FAM171A1: variants seen among roughly 807,000 people sequenced by gnomAD.
The protein encoded by FAM171A1 is protein FAM171A1.
In FAM171A1, 23 loss-of-function variants were observed where a neutral mutation model predicts 74.9. The observed-to-expected ratio is 0.31, with a 90% CI of 0.22 to 0.44. FAM171A1 has a LOEUF of 0.44. Among genes scored for constraint, FAM171A1 ranks in the 20% least tolerant of loss-of-function variants. The pLI, the probability that FAM171A1 is intolerant of heterozygous loss-of-function variation, is 1.00. For missense variants in FAM171A1, 1,162 were observed against 1,159.2 expected, an observed-to-expected ratio of 1.00 and a Z score of -0.03; for synonymous variants, 527 against 505.7, an observed-to-expected ratio of 1.04 and a Z score of -0.57.
chr10:15,284,462 G>A (rs1381653350), intron 1 of FAM171A1, among the ~76,000 whole-genome samples: 1 of 151,968 alleles, frequency 6.6e-6, no homozygotes, highest in African/African-American at 2.4e-5. Context: ...TCACTCTGTT[G>A]CACAGGCTGG....
chr10:15,283,437 T>C (rs1460269505), intron 2 of FAM171A1, among the ~76,000 whole-genome samples: 2 of 152,182 alleles, frequency 1.3e-5, no homozygotes, highest in Non-Finnish European at 2.9e-5. Flanking sequence ...CCACTTTCCA[T>C]AGATCAAAAA....
intron 7 of FAM171A1, 118 bp downstream of exon 7, chr10:15,215,878 A>T (rs1027617845): frequency 1.6e-6 from 1 of 609,026 alleles, no homozygotes; most frequent in African/African-American, 1.9e-5. Flanking sequence ...GGGAAGAAAA[A>T]GTACTTCAAT....
At chr10:15,344,483 C>A (rs909469603) in intron 1 of FAM171A1, among the ~76,000 whole-genome samples, 8 of 152,168 alleles carry the variant, frequency 5.3e-5, no homozygotes, top group African/African-American at 1.7e-4. Context: ...CAGGTCAAGG[C>A]TGCAGTGACC....
chr10:15,285,534 C>T (rs1835025117), intron 1 of FAM171A1, among the ~76,000 whole-genome samples: 1 of 152,172 alleles, frequency 6.6e-6, no homozygotes, highest in Admixed American at 6.5e-5. Flanking sequence ...GACCAGACTC[C>T]AGCAGAACTA....
At position 15,224,751 on chromosome 10, in the gene FAM171A1, G is replaced by A. The variant is rs1834083490; in HGVS notation, c.755-3691C>T. Among the ~76,000 whole-genome samples the A allele has an allele frequency of 2.6e-5, 4 of 152,264 alleles. No individual in the cohort carries two copies. The South Asian group carries it at 8.3e-4, about 32-fold the overall frequency. On this transcript the variant is annotated intron_variant, in intron 5 of 7. Coordinates refer to ENST00000378116, the MANE Select transcript of FAM171A1 (RefSeq NM_001010924.2). ...ATTGTGAGGCCTCCCCAGCCATGTG[G>A]AACTGTGAGTCTATTAAACCTCTTT...
At chr10:15,267,584 A>G (rs1338721601) in intron 3 of FAM171A1, among the ~76,000 whole-genome samples, 1 of 137,796 alleles carries the variant, frequency 7.3e-6, no homozygotes, top group Non-Finnish European at 1.5e-5. Context: ...GCCTGGCAAC[A>G]GAGCGAGACA....
intron 3 of FAM171A1, among the ~76,000 whole-genome samples, chr10:15,262,155 C>A (rs529516662): frequency 5.3e-5 from 8 of 152,222 alleles, no homozygotes; most frequent in Non-Finnish European, 1.2e-4. Flanking sequence ...TGTGGGCCTG[C>A]AGGGGAGAGC....
intron 1 of FAM171A1, among the ~76,000 whole-genome samples, chr10:15,310,775 C>T (rs1439578536): frequency 6.6e-6 from 1 of 151,768 alleles, no homozygotes; most frequent in Non-Finnish European, 1.5e-5. Context: ...GCAGGAGAAC[C>T]GTTTGAACCA....
intron 1 of FAM171A1, among the ~76,000 whole-genome samples, chr10:15,369,528 T>C (rs1836108374): frequency 6.6e-6 from 1 of 152,212 alleles, no homozygotes; most frequent in African/African-American, 2.4e-5. Context: ...TATGCATTAC[T>C]AAAATTATAC....
At chr10:15,334,705 C>T (rs750628675) in intron 1 of FAM171A1, among the ~76,000 whole-genome samples, 7 of 152,086 alleles carry the variant, frequency 4.6e-5, no homozygotes, top group Non-Finnish European at 7.4e-5. Flanking sequence ...TTCAATACAC[C>T]GATGGGAACT....
At position 15,346,785 on chromosome 10, in the gene FAM171A1, C is replaced by CA. The variant is rs768242705; in HGVS notation, c.97+24170dup. Among the ~76,000 whole-genome samples, 6 of 152,338 alleles carry CA rather than the reference C, an allele frequency of 3.9e-5. No homozygotes were observed. In the East Asian group the frequency reaches 1.2e-3, roughly 29 times the overall value. ...CCTGTGAACTAGGAAGGCAAGTGCTCACAAGGATAGCCATTTAAGTGATCC... is the reference window on the plus strand; with the variant it reads ...CCTGTGAACTAGGAAGGCAAGTGCTCAACAAGGATAGCCATTTAAGTGATCC... On this transcript the variant is annotated intron_variant, in intron 1 of 7. Coordinates refer to ENST00000378116, the MANE Select transcript of FAM171A1 (RefSeq NM_001010924.2).
At chr10:15,366,145 A>G (rs1235530160) in intron 1 of FAM171A1, among the ~76,000 whole-genome samples, 1 of 152,066 alleles carries the variant, frequency 6.6e-6, no homozygotes, top group Non-Finnish European at 1.5e-5. Flanking sequence ...TTTGAGATGG[A>G]GTTTCATTCT....
chr10:15,214,353 G>A lies in FAM171A1; in HGVS notation c.1235C>T (p.Thr412Ile), dbSNP rs1833938859. 10 of 1,613,058 alleles carry A rather than the reference G, an allele frequency of 6.2e-6. No individual in the cohort carries two copies. Among genetic ancestry groups the A allele is most frequent in the South Asian group, 1.1e-5 (1 of 90,966 alleles). ...MSPGGEGDLH[T>I]PMLKLSYSTS... ...GCTGTAGGAGAGCTTGAGCATGGGG[G>A]TGTGCAGGTCCCCTTCGCCGCCCGG... The change falls in exon 8 of 8, where the codon ACC becomes ATC. Residue 412 changes from threonine to isoleucine, a missense_variant. By Grantham distance (89) the Thr-to-Ile change is moderately conservative (BLOSUM62 -1). Transcript: ENST00000378116.
chr10:15,341,949 C>T (rs1331783626), intron 1 of FAM171A1, among the ~76,000 whole-genome samples: 2 of 152,210 alleles, frequency 1.3e-5, no homozygotes, highest in Non-Finnish European at 2.9e-5. Flanking sequence ...GAATGCTGCT[C>T]AGATAACCCT....
chr10:15,310,440 C>T (rs1835346756), intron 1 of FAM171A1, among the ~76,000 whole-genome samples: 1 of 152,174 alleles, frequency 6.6e-6, no homozygotes, highest in Non-Finnish European at 1.5e-5. Flanking sequence ...TCTTGTGACC[C>T]ACTGCCTTGA....
At chr10:15,227,557 A>AT (rs1158795212) in intron 5 of FAM171A1, among the ~76,000 whole-genome samples, 1 of 151,754 alleles carries the variant, frequency 6.6e-6, no homozygotes, top group African/African-American at 2.4e-5. Flanking sequence ...TAACTTTGGT[A>AT]TTTTTTGTAG....
At chr10:15,291,627 C>A (rs371846999) in intron 1 of FAM171A1, among the ~76,000 whole-genome samples, 2 of 152,302 alleles carry the variant, frequency 1.3e-5, no homozygotes, top group East Asian at 3.9e-4. Context: ...GTGGTGTCTT[C>A]ACAGCCCTTG....
intron 5 of FAM171A1, among the ~76,000 whole-genome samples, chr10:15,244,965 C>G (rs192761196): frequency 6.6e-6 from 1 of 152,250 alleles, no homozygotes; most frequent in Admixed American, 6.5e-5. Context: ...AGGCCACAGT[C>G]CCCAGAAATG....
chr10:15,242,817 C>G (rs1043909362), intron 5 of FAM171A1, among the ~76,000 whole-genome samples: 1 of 152,078 alleles, frequency 6.6e-6, no homozygotes, highest in Non-Finnish European at 1.5e-5. Context: ...GGAAATAGGT[C>G]AACTTCACAA....
Sources: allele counts gnomAD v4.1 joint callset (sites outside exome capture counted in the v4.1 genomes callset), GRCh38; gene constraint gnomAD v4.1.1; transcripts MANE v1.5; gene names NCBI Gene and HGNC (gene_info 2026-07-23, HGNC 2026-07-21).